The following RYR2 variants were observed in gnomAD, a reference collection of about 807,000 sequenced individuals.
RYR2 encodes ryanodine receptor 2.
Under a neutral mutation model 601.1 loss-of-function variants are expected in RYR2, and 227 were observed. That is an observed-to-expected ratio of 0.38 (90% CI 0.34 to 0.42). The LOEUF is 0.42. RYR2 is among the 10% of genes least tolerant of loss of function. The pLI is 1.00. For missense variants in RYR2, 4,646 were observed against 6,156.5 expected (o/e 0.75, Z 8.21); for synonymous variants, 2,223 against 2,175.1 (o/e 1.02, Z -0.61).
intron 19 of RYR2, 139 bp from the exon 20 acceptor site, chr1:237,496,372 C>T (rs533186813): frequency 1.6e-5 from 18 of 1,130,166 alleles, no homozygotes; most frequent in Admixed American, 7.5e-5. Context: ...TGCACTACTG[C>T]GCTTCAGCCT....
At chr1:237,531,802 T>C (rs1335035963) in intron 25 of RYR2, among the ~76,000 whole-genome samples, 2 of 152,166 alleles carry the variant, frequency 1.3e-5, no homozygotes, top group Non-Finnish European at 2.9e-5. Flanking sequence ...ATATTTACAT[T>C]TCAAAATGAC....
chr1:237,144,331 T>G (rs1014657010), intron 1 of RYR2, among the ~76,000 whole-genome samples: 1 of 152,154 alleles, frequency 6.6e-6, no homozygotes, highest in African/African-American at 2.4e-5. Context: ...TAAATTCACC[T>G]GGTAATTAGG....
At chr1:237,176,527 TAAATA>T in intron 1 of RYR2, among the ~76,000 whole-genome samples, 1 of 151,878 alleles carries the variant, frequency 6.6e-6, no homozygotes, top group East Asian at 1.9e-4. Context: ...GCCTTTGAAA[TAAATA>T]AACCCTTGGT....
At chr1:237,050,541 A>C (rs1661126427) in intron 1 of RYR2, among the ~76,000 whole-genome samples, 1 of 152,138 alleles carries the variant, frequency 6.6e-6, no homozygotes, top group African/African-American at 2.4e-5. Flanking sequence ...TTCCTTTAAC[A>C]TTTTTGGTAT....
chr1:237,350,221 A>G (rs80065345), intron 3 of RYR2, among the ~76,000 whole-genome samples: 6,018 of 152,158 alleles, frequency 0.04, 176 homozygotes, highest in Non-Finnish European at 0.061. Context: ...AAGCTATAGG[A>G]TGGTAAAGTT....
chr1:237,592,676 A>G (rs1340843570), intron 32 of RYR2, among the ~76,000 whole-genome samples: 1 of 151,026 alleles, frequency 6.6e-6, no homozygotes, highest in Admixed American at 6.6e-5. Context: ...GTTATGTGTC[A>G]GAGAAAGGAA....
chr1:237,603,695 G>C (rs2148520555), intron 35 of RYR2, among the ~76,000 whole-genome samples: 1 of 152,272 alleles, frequency 6.6e-6, no homozygotes, highest in East Asian at 1.9e-4. Context: ...CATGTGCAGA[G>C]ACACACATAT....
At chr1:237,529,757 T>TCA (rs1235847282) in intron 24 of RYR2, among the ~76,000 whole-genome samples, 2 of 40,192 alleles carry the variant, frequency 5.0e-5, no homozygotes, top group African/African-American at 7.7e-5. Flanking sequence ...AACAATAATA[T>TCA]CATACACACA....
intron 17 of RYR2, among the ~76,000 whole-genome samples, chr1:237,486,596 G>C (rs1410588168): frequency 6.6e-6 from 1 of 152,080 alleles, no homozygotes; most frequent in Non-Finnish European, 1.5e-5. Context: ...TAATGTTACT[G>C]GCCTTTTGTT....
intron 98 of RYR2, among the ~76,000 whole-genome samples, chr1:237,804,200 C>G (rs1660336743): frequency 2.6e-5 from 4 of 151,902 alleles, no homozygotes; most frequent in Non-Finnish European, 4.4e-5. Flanking sequence ...TGTCCTTGAA[C>G]TTGCCCTCAA....
At chr1:237,126,770 T>A (rs936418243) in intron 1 of RYR2, among the ~76,000 whole-genome samples, 20 of 151,686 alleles carry the variant, frequency 1.3e-4, no homozygotes, top group South Asian at 4.1e-4. Context: ...TATTTTATTT[T>A]TTTTATTTAT....
At chr1:237,509,716 A>G (rs1354750194) in intron 23 of RYR2, among the ~76,000 whole-genome samples, 2 of 152,240 alleles carry the variant, frequency 1.3e-5, no homozygotes, top group Non-Finnish European at 2.9e-5. Context: ...ATTGGTAGGC[A>G]AACAATTACA....
At chr1:237,774,025 G>GTGTT (rs760262279) in intron 87 of RYR2, among the ~76,000 whole-genome samples, 1 of 152,184 alleles carries the variant, frequency 6.6e-6, no homozygotes, top group Non-Finnish European at 1.5e-5. Flanking sequence ...AAAGAGAAGA[G>GTGTT]TGTTTGAAAA....
chr1:237,579,167 A>G (rs537775975), intron 29 of RYR2, among the ~76,000 whole-genome samples: 3 of 151,680 alleles, frequency 2.0e-5, no homozygotes, highest in Non-Finnish European at 4.4e-5. Flanking sequence ...AGTCCCAAAT[A>G]CCAGCTAATA....
chr1:237,204,527 A>G (rs1007549969), intron 1 of RYR2, among the ~76,000 whole-genome samples: 16 of 151,786 alleles, frequency 1.1e-4, no homozygotes, highest in African/African-American at 3.9e-4. Context: ...AAGAAAGAAA[A>G]CTAGGGTCGA....
intron 2 of RYR2, among the ~76,000 whole-genome samples, chr1:237,322,863 T>TA (rs200062715): frequency 6.3e-4 from 94 of 149,378 alleles, no homozygotes; most frequent in African/African-American, 1.6e-3. Flanking sequence ...TAATTTTTTT[T>TA]TAAAAAAAAA....
intron 12 of RYR2, among the ~76,000 whole-genome samples, chr1:237,439,659 A>G (rs1707720809): frequency 6.6e-6 from 1 of 151,980 alleles, no homozygotes; most frequent in Non-Finnish European, 1.5e-5. Flanking sequence ...AAAAAAAATC[A>G]TCATCACGAT....
chr1:237,813,427 G>A (rs1026570140), intron 100 of RYR2, among the ~76,000 whole-genome samples: 1 of 152,224 alleles, frequency 6.6e-6, no homozygotes, highest in South Asian at 2.1e-4. Context: ...ATCAGGTAGT[G>A]AGAACAATAT....
intron 98 of RYR2, 67 bp from the exon 99 acceptor site, chr1:237,806,070 T>C: frequency 7.2e-7 from 1 of 1,397,996 alleles, no homozygotes. Context: ...TTATTTTGCT[T>C]AACCCATAAC....
Sources: allele counts gnomAD v4.1 joint callset (sites outside exome capture counted in the v4.1 genomes callset), GRCh38; gene constraint gnomAD v4.1.1; transcripts MANE v1.5; gene names NCBI Gene and HGNC (gene_info 2026-07-23, HGNC 2026-07-21).